EAF1: variants seen among roughly 807,000 people sequenced by gnomAD.
EAF1 encodes ELL associated factor 1, also known as ELL-associated factor 1.
In EAF1, 19 loss-of-function variants were observed where a neutral mutation model predicts 26.6. That is an observed-to-expected ratio of 0.71 (90% CI 0.50 to 1.05). EAF1 has a LOEUF of 1.05. Among genes scored for constraint, EAF1 ranks in the 50% least tolerant of loss-of-function variants. The pLI is 0.00. For synonymous variants in EAF1, 102 were observed against 120.6 expected (o/e 0.85, Z 1.01); for missense variants, 260 against 335.5 (o/e 0.78, Z 1.76).
intron 4 of EAF1, chr3:15,436,109 T>G: frequency 2.8e-6 from 1 of 356,288 alleles, no homozygotes. Context: ...GAAACAGTCT[T>G]GCTTTTTATT....
chr3:15,433,680 AT>A (rs1300081463), intron 3 of EAF1, among the ~76,000 whole-genome samples: 2 of 152,212 alleles, frequency 1.3e-5, no homozygotes, highest in Non-Finnish European at 1.5e-5. Flanking sequence ...AATGGAAAAA[AT>A]TTTCAAGCTG....
Position 15,437,357 on chromosome 3 carries a change from T to C in EAF1, c.760+782T>C, listed in dbSNP as rs2061842211. ...TGGTAGAGACAGGGTTTCGCCACAT[T>C]GCCCAGGCTGGTCTCAAACTCCTAG... On this transcript the variant is annotated intron_variant, in intron 5 of 5. Coordinates refer to ENST00000396842, the MANE Select transcript of EAF1 (RefSeq NM_033083.7). 2.7e-5 allele frequency among the ~76,000 whole-genome samples: 4 copies of C among 150,934 alleles called. No homozygotes were observed. The South Asian group carries it at 6.4e-4, about 24-fold the overall frequency.
In EAF1 at chr3:15,440,964, A is replaced by C. The variant is rs749333200; in HGVS notation, c.*1809A>C. On this transcript the variant is annotated 3_prime_UTR_variant, in exon 6 of 6. Transcript: ENST00000396842. ...ACTGGGGCAGGTTCCAGGAACTTGA[A>C]CTAAAAATATCTATTTAAGCCTCTC... 2.0e-5 allele frequency: 3 copies of C among 152,634 alleles called. No homozygotes were observed. The highest frequency in any genetic ancestry group is 6.5e-5 in the Admixed American group (1 of 15,276). The allele number at this position is 152,634 out of a possible 1,614,324, so 9.5% of individuals were successfully genotyped here.
At position 15,429,869 on chromosome 3, in the gene EAF1, A is replaced by G. The variant is rs954463817; in HGVS notation, c.104-44A>G. On this transcript the variant is annotated intron_variant, in intron 1 of 5. Coordinates refer to ENST00000396842, the MANE Select transcript of EAF1 (RefSeq NM_033083.7). ...TGGAGATGCCCAGGAAACCCTTATT[A>G]TAAGTAACCTGGTGGGTAAGTGCTT... The G allele has an allele frequency of 1.5e-5, 19 of 1,296,750 alleles. No homozygotes were observed. The East Asian group carries it at 3.2e-4, about 22-fold the overall frequency. The allele number at this position is 1,296,750 out of a possible 1,614,324, so 80.3% of individuals were successfully genotyped here. A position where few individuals can be genotyped will look rare whatever the true frequency, so the allele number is the denominator to read the frequency against.
chr3:15,429,049 C>T (rs902072689), intron 1 of EAF1, among the ~76,000 whole-genome samples: 1 of 152,148 alleles, frequency 6.6e-6, no homozygotes, highest in Non-Finnish European at 1.5e-5. Flanking sequence ...TCATATAGTT[C>T]ATGTGTGCAC....
At chr3:15,435,969 C>T (rs2061832189) in intron 4 of EAF1, among the ~76,000 whole-genome samples, 1 of 152,206 alleles carries the variant, frequency 6.6e-6, no homozygotes, top group Non-Finnish European at 1.5e-5. Context: ...AACCACTTTA[C>T]ATAATATTTG....
chr3:15,432,339 C>T, intron 3 of EAF1, 116 bp downstream of exon 3: 1 of 1,325,704 alleles, frequency 7.5e-7, no homozygotes, highest in Non-Finnish European at 1.0e-6. Flanking sequence ...ATAATCTTAA[C>T]ACTACCTGTG....
Position 15,435,485 on chromosome 3 carries a change from T to C in EAF1, c.527-857T>C, listed in dbSNP as rs935806831. Reference sequence around the variant, plus strand: ...ACAGTTGTTTTGTCCCTTTTTTTTTTTCCTCATGGATACTGGAATGCTGTT... The same window carrying C: ...ACAGTTGTTTTGTCCCTTTTTTTTTCTCCTCATGGATACTGGAATGCTGTT... On this transcript the variant is annotated intron_variant, in intron 4 of 5. Coordinates refer to ENST00000396842, the MANE Select transcript of EAF1 (RefSeq NM_033083.7). Among the ~76,000 whole-genome samples, 21 of 152,234 alleles carry C rather than the reference T, an allele frequency of 1.4e-4. No homozygotes were observed. The South Asian group carries it at 3.5e-3, about 26-fold the overall frequency.
Position 15,434,540 on chromosome 3 carries a change from T to C in EAF1, c.526+2T>C, listed in dbSNP as rs767899997. The C allele has an allele frequency of 1.9e-6, 3 of 1,613,792 alleles. No individual in the cohort carries two copies. The highest frequency in any genetic ancestry group is 2.5e-6 in the Non-Finnish European group (3 of 1,179,840). On this transcript the variant is annotated splice_donor_variant, in intron 4 of 5. Transcript: ENST00000396842. LOFTEE classifies it high-confidence loss of function. ...CTCAGTTGGATGACATCAAAAGAGG[T>C]AGAGAACATTTTCTGGATCCATGAT...
rs946106081 is a variant in EAF1 at position 15,441,412 on chromosome 3, G to A, written c.*2257G>A. 2 of 151,170 alleles carry A rather than the reference G, an allele frequency of 1.3e-5. No individual in the cohort carries two copies. Among genetic ancestry groups the A allele is most frequent in the African/African-American group, 2.5e-5 (1 of 40,426 alleles). 9.4% of individuals were successfully genotyped at this position (151,170 alleles called of 1,614,324 possible). ...TCTCCCTCCATACCCCACTTTTGAG[G>A]TTCTGTGGGTACCATCTTTGTGGAC... On this transcript the variant is annotated 3_prime_UTR_variant, in exon 6 of 6. Transcript: ENST00000396842.
chr3:15,431,804 T>C (rs2061803940), intron 2 of EAF1, among the ~76,000 whole-genome samples: 1 of 152,218 alleles, frequency 6.6e-6, no homozygotes, highest in Non-Finnish European at 1.5e-5. Context: ...ATAATGAAAG[T>C]AATGGTTAAT....
At chr3:15,437,471 A>G (rs1377014188) in intron 5 of EAF1, among the ~76,000 whole-genome samples, 2 of 151,880 alleles carry the variant, frequency 1.3e-5, no homozygotes, top group African/African-American at 2.4e-5. Flanking sequence ...AATTTTCTGT[A>G]GAGACAAGGT....
chr3:15,431,954 A>G (rs2061804643), intron 2 of EAF1, 133 bp from the exon 3 acceptor site: 1 of 1,032,744 alleles, frequency 9.7e-7, no homozygotes, highest in Non-Finnish European at 1.3e-6. Context: ...GAGATAAAAT[A>G]GAAATCAGTT....
chr3:15,439,081 AT>A, intron 5 of EAF1, 27 bp from the exon 6 acceptor site: 1 of 1,587,536 alleles, frequency 6.3e-7, no homozygotes, highest in South Asian at 1.2e-5. Flanking sequence ...TGATTCTATG[AT>A]TTTACTTTAT....
Position 15,436,550 on chromosome 3 carries a change from A to C in EAF1, c.735A>C (p.Gly245=). The C allele has an allele frequency of 6.3e-7, 1 of 1,589,884 alleles. No individual in the cohort carries two copies. Among genetic ancestry groups the C allele is most frequent in the Non-Finnish European group, 8.6e-7 (1 of 1,159,746 alleles). ...AVANGTSRPQ[G]SNQLMNTLRN... is the part of the protein sequence containing the mutation. ...CCAATGGAACCAGCCGGCCACAAGGAAGCAACCAGCTCATGAACACCCTCA... is the reference window on the plus strand; with the variant it reads ...CCAATGGAACCAGCCGGCCACAAGGCAGCAACCAGCTCATGAACACCCTCA... Residue 245 remains glycine (G), a synonymous_variant, in exon 5 of 6, where the codon GGA becomes GGC. Transcript: ENST00000396842.
Position 15,439,215 on chromosome 3 carries a change from T to A in EAF1, c.*60T>A, listed in dbSNP as rs2061852636. 3.2e-6 allele frequency: 5 copies of A among 1,565,594 alleles called. No individual in the cohort carries two copies. The highest frequency in any genetic ancestry group is 4.4e-6 in the Non-Finnish European group (5 of 1,143,698). On this transcript the variant is annotated 3_prime_UTR_variant, in exon 6 of 6. Coordinates refer to ENST00000396842, the MANE Select transcript of EAF1 (RefSeq NM_033083.7). ...AAACATGCCGCAAGACTGAGCTACTTTGGCGTGGAGTCCATTGCAAGAGGA... is the reference window on the plus strand; with the variant it reads ...AAACATGCCGCAAGACTGAGCTACTATGGCGTGGAGTCCATTGCAAGAGGA...
intron 2 of EAF1, among the ~76,000 whole-genome samples, chr3:15,431,660 C>G (rs2061802766): frequency 6.6e-6 from 1 of 152,154 alleles, no homozygotes; most frequent in South Asian, 2.1e-4. Flanking sequence ...CTGAGCCAAC[C>G]AGGATAATGA....
chr3:15,429,253 A>G (rs1249494237), intron 1 of EAF1, among the ~76,000 whole-genome samples: 1 of 152,092 alleles, frequency 6.6e-6, no homozygotes, highest in Non-Finnish European at 1.5e-5. Flanking sequence ...TAATCCCAGT[A>G]CTTTGGGAGG....
In EAF1 at chr3:15,436,433, C is replaced by T. The variant is rs34668493; in HGVS notation, c.618C>T (p.Asp206=). 1.2e-3 allele frequency: 1,941 copies of T among 1,613,952 alleles called. 20 individuals are homozygous for T. In the African/African-American group the frequency reaches 0.018, roughly 15 times the overall value. The change falls in exon 5 of 6, where the codon GAC becomes GAT. Residue 206 remains aspartate (D), a synonymous_variant. Transcript: ENST00000396842. ...CTGAGAGCTCTTCGGGAAGTGATGA[C>T]GATAGCTCCAGCAGTGGAGGCGAGG... is the stretch of plus-strand genomic sequence containing the variant. ...SDSESSSGSD[D]DSSSSGGEDN... is the part of the protein sequence containing the mutation.
Sources: allele counts gnomAD v4.1 joint callset (sites outside exome capture counted in the v4.1 genomes callset), GRCh38; gene constraint gnomAD v4.1.1; transcripts MANE v1.5; gene names NCBI Gene and HGNC (gene_info 2026-07-23, HGNC 2026-07-21).